DENND4A: variants seen among roughly 807,000 people sequenced by gnomAD.
The protein encoded by DENND4A is C-myc promoter-binding protein.
DENND4A carries 70 observed loss-of-function variants against 199.3 expected under a neutral mutation model. The ratio of observed to expected loss-of-function variants is 0.35; its 90% CI spans 0.29 to 0.43. The LOEUF is 0.43. DENND4A is among the 20% of genes least tolerant of loss of function. The pLI is 1.00. For synonymous variants in DENND4A, 686 were observed against 766.9 expected (o/e 0.89, Z 1.74); for missense variants, 1,723 against 2,255.8 (o/e 0.76, Z 4.78).
intron 7 of DENND4A, among the ~76,000 whole-genome samples, chr15:65,736,488 A>G (rs1390153339): frequency 1.3e-5 from 2 of 150,208 alleles, no homozygotes; most frequent in Non-Finnish European, 3.0e-5. Context: ...CTGGTTTTGA[A>G]CTCCTGACCT....
At chr15:65,730,081 A>T (rs1596543743) in intron 9 of DENND4A, among the ~76,000 whole-genome samples, 1 of 152,172 alleles carries the variant, frequency 6.6e-6, no homozygotes, top group African/African-American at 2.4e-5. Flanking sequence ...CTTCCACTGT[A>T]ATTATCAGAA....
At chr15:65,684,818 A>ATTTTTTTTTTTTT (rs541989496) in intron 23 of DENND4A, among the ~76,000 whole-genome samples, 1 of 104,980 alleles carries the variant, frequency 9.5e-6, no homozygotes, top group Non-Finnish European at 1.9e-5. Context: ...TTTTCTTCCA[A>ATTTTTTTTTTTTT]TTTTTTTTTT....
chr15:65,698,497 A>G (rs1022652962), intron 20 of DENND4A, among the ~76,000 whole-genome samples: 2 of 152,128 alleles, frequency 1.3e-5, no homozygotes, highest in South Asian at 2.1e-4. Context: ...TGTTATTACT[A>G]TATGAGACTA....
At position 65,715,361 on chromosome 15, in the gene DENND4A, G is replaced by C. The variant is rs1380709800; in HGVS notation, c.1953+117C>G. The C allele has an allele frequency of 6.8e-6, 7 of 1,031,546 alleles. No individual in the cohort carries two copies. In the Admixed American group the frequency reaches 2.2e-4, roughly 33 times the overall value. The allele number at this position is 1,031,546 out of a possible 1,614,324, so 63.9% of individuals were successfully genotyped here. A position where few individuals can be genotyped will look rare whatever the true frequency, so the allele number is the denominator to read the frequency against. On this transcript the variant is annotated intron_variant, in intron 14 of 32. Coordinates refer to ENST00000443035, the MANE Select transcript of DENND4A (RefSeq NM_001320835.1). ...CAAAACTTTCATTTAAGTGGTCAAC[G>C]ATGAAAATGAAATTAATTTCAATTT...
At chr15:65,769,651 T>C (rs1364197895) in intron 1 of DENND4A, among the ~76,000 whole-genome samples, 2 of 152,258 alleles carry the variant, frequency 1.3e-5, no homozygotes, top group East Asian at 3.9e-4. Context: ...ATGCTGAGTT[T>C]GCTTATCTTT....
chr15:65,722,014 A>AT (rs1596525455), intron 12 of DENND4A, among the ~76,000 whole-genome samples: 1 of 152,300 alleles, frequency 6.6e-6, no homozygotes, highest in East Asian at 1.9e-4. Flanking sequence ...GCAAACTTCG[A>AT]TTTTCAAACT....
At chr15:65,726,893 T>C (rs996683406) in intron 11 of DENND4A, among the ~76,000 whole-genome samples, 1 of 151,080 alleles carries the variant, frequency 6.6e-6, no homozygotes, top group African/African-American at 2.4e-5. Flanking sequence ...AAGGAAGAGG[T>C]TGCAGTGAGC....
At chr15:65,779,812 G>A (rs1404767743) in intron 1 of DENND4A, among the ~76,000 whole-genome samples, 5 of 152,298 alleles carry the variant, frequency 3.3e-5, no homozygotes, top group African/African-American at 1.2e-4. Flanking sequence ...ACCATGCCCA[G>A]CTAATTTTTG....
At chr15:65,699,613 C>T (rs1596468126) in intron 20 of DENND4A, among the ~76,000 whole-genome samples, 1 of 148,742 alleles carries the variant, frequency 6.7e-6, no homozygotes, top group African/African-American at 2.5e-5. Context: ...ATGTATTATA[C>T]ACACATGTTA....
chr15:65,699,377 T>C (rs1464973035), intron 20 of DENND4A, among the ~76,000 whole-genome samples: 1 of 151,934 alleles, frequency 6.6e-6, no homozygotes, highest in African/African-American at 2.4e-5. Flanking sequence ...TGAAATGTAA[T>C]AATAAAAAGA....
At chr15:65,706,934 A>G in intron 14 of DENND4A, among the ~76,000 whole-genome samples, 1 of 152,358 alleles carries the variant, frequency 6.6e-6, no homozygotes, top group Middle Eastern at 3.4e-3. Context: ...ATTTGAATAT[A>G]CCTTTTTATA....
rs1491492345 is a variant in DENND4A, at chr15:65,659,321, G to GTTTTTTTTTTTTTTTTTTTT, written c.*2529_*2530insAAAAAAAAAAAAAAAAAAAA. On this transcript the variant is annotated 3_prime_UTR_variant, in exon 33 of 33. Coordinates refer to ENST00000443035, the MANE Select transcript of DENND4A (RefSeq NM_001320835.1). ...TTATTTTAAATGATTGATATTTTCTGGTTTTTTTTTTTTTTTTTTTTTTTT... is the reference window on the plus strand; with the variant it reads ...TTATTTTAAATGATTGATATTTTCTGTTTTTTTTTTTTTTTTTTTTGTTTTTTTTTTTTTTTTTTTTTTTT... 15 of 66,668 alleles carry GTTTTTTTTTTTTTTTTTTTT rather than the reference G, an allele frequency of 2.2e-4. 7 individuals carry two copies. The highest frequency in any genetic ancestry group is 2.7e-4 in the Non-Finnish European group (9 of 33,648). The allele number at this position is 66,668 out of a possible 1,614,324, so 4.1% of individuals were successfully genotyped here.
At chr15:65,740,899 T>C (rs2076243823) in intron 5 of DENND4A, among the ~76,000 whole-genome samples, 1 of 151,876 alleles carries the variant, frequency 6.6e-6, no homozygotes, top group South Asian at 2.1e-4. Context: ...GAGTCTGAGG[T>C]TGCAGTGAGC....
At chr15:65,715,232 T>G (rs1596503132) in intron 14 of DENND4A, 1 of 313,258 alleles carries the variant, frequency 3.2e-6, no homozygotes, top group Non-Finnish European at 5.8e-6. Context: ...ACAGGGAGGG[T>G]TAGGACTTGA....
intron 23 of DENND4A, among the ~76,000 whole-genome samples, chr15:65,688,642 G>C (rs1242288504): frequency 6.6e-6 from 1 of 152,164 alleles, no homozygotes; most frequent in Non-Finnish European, 1.5e-5. Context: ...GGTGAAACTT[G>C]TATGGGATTC....
chr15:65,729,344 A>T (rs2075894708), intron 10 of DENND4A, 97 bp from the exon 11 acceptor site: 1 of 1,404,762 alleles, frequency 7.1e-7, no homozygotes. Context: ...TATTATCTAA[A>T]GCCTAATGCC....
chr15:65,758,807 T>A (rs1355931791), intron 2 of DENND4A, among the ~76,000 whole-genome samples: 1 of 152,162 alleles, frequency 6.6e-6, no homozygotes, highest in Admixed American at 6.5e-5. Context: ...TTTGGATACT[T>A]ACTATATATA....
chr15:65,695,157 G>A (rs920063443), intron 22 of DENND4A, among the ~76,000 whole-genome samples: 3 of 152,080 alleles, frequency 2.0e-5, no homozygotes, highest in Non-Finnish European at 4.4e-5. Context: ...AGAGTTATAG[G>A]TGATCTAACT....
intron 24 of DENND4A, among the ~76,000 whole-genome samples, chr15:65,673,984 G>A (rs2076294123): frequency 1.3e-5 from 2 of 151,964 alleles, no homozygotes; most frequent in African/African-American, 4.8e-5. Flanking sequence ...GTTCTTGTAT[G>A]TTAAAAAAGA....
Sources: gnomAD v4.1 joint callset for allele counts (sites outside exome capture counted in the v4.1 genomes callset) on GRCh38, gnomAD v4.1.1 for gene constraint, MANE v1.5 for transcripts, NCBI Gene and HGNC (gene_info 2026-07-23, HGNC 2026-07-21) for gene names.